CAPSL: variants seen among roughly 807,000 people sequenced by gnomAD.
The protein encoded by CAPSL is calcyphosine like, also known as calcyphosin-like protein.
In CAPSL, 17 loss-of-function variants were observed where a neutral mutation model predicts 21.3. The observed-to-expected ratio is 0.80, with a 90% confidence interval of 0.55 to 1.20. The LOEUF (loss-of-function observed/expected upper bound fraction) is 1.20. Among genes scored for constraint, CAPSL ranks in the 50% most tolerant of loss-of-function variants. CAPSL has a pLI of 0.00. For missense variants in CAPSL, 289 were observed against 259.3 expected (o/e 1.11, Z -0.79); for synonymous variants, 102 against 89.3 (o/e 1.14, Z -0.80).
Position 35,929,451 on chromosome 5 carries a change from C to A in CAPSL, c.1-8331G>T, listed in dbSNP as rs700177. 2.0e-5 allele frequency among the ~76,000 whole-genome samples: 3 copies of A among 152,144 alleles called. No homozygotes were observed. The East Asian group carries it at 5.8e-4, about 29-fold the overall frequency. On this transcript the variant is annotated intron_variant, in intron 1 of 4. Coordinates refer to ENST00000651391, the MANE Select transcript of CAPSL (RefSeq NM_001042625.2). ...AGGAATACAGGCACCTGCCACCACA[C>A]CCAGCTGATTTTTGTATTTTTAGTA...
At chr5:35,923,991 T>C (rs1022848021) in intron 1 of CAPSL, among the ~76,000 whole-genome samples, 1 of 151,424 alleles carries the variant, frequency 6.6e-6, no homozygotes, top group Non-Finnish European at 1.5e-5. Flanking sequence ...TTATACAAAG[T>C]AAATACATAC....
At chr5:35,910,167 G>T in intron 3 of CAPSL, 92 bp from the exon 4 acceptor site, 2 of 1,183,928 alleles carry the variant, frequency 1.7e-6, no homozygotes, top group Non-Finnish European at 2.4e-6. Context: ...TCCCCTCAAC[G>T]ATGTGAAATA....
intron 2 of CAPSL, among the ~76,000 whole-genome samples, chr5:35,917,379 G>A (rs540488886): frequency 3.3e-5 from 5 of 152,240 alleles, no homozygotes; most frequent in Non-Finnish European, 7.3e-5. Flanking sequence ...TATACCCAAA[G>A]GATTATAAAT....
At chr5:35,932,295 C>G (rs76358217) in intron 1 of CAPSL, among the ~76,000 whole-genome samples, 18,127 of 152,186 alleles carry the variant, frequency 0.12, 1,436 homozygotes, top group Non-Finnish European at 0.18. Context: ...TAAAAGAAGA[C>G]TGGAAGTGCT....
chr5:35,927,796 A>T (rs1738722864), intron 1 of CAPSL, among the ~76,000 whole-genome samples: 1 of 152,246 alleles, frequency 6.6e-6, no homozygotes, highest in Non-Finnish European at 1.5e-5. Flanking sequence ...AATGGAAAAA[A>T]TTAAACCATC....
At chr5:35,913,416 C>A (rs185423882) in intron 2 of CAPSL, among the ~76,000 whole-genome samples, 2 of 152,034 alleles carry the variant, frequency 1.3e-5, no homozygotes. Flanking sequence ...TCAGATTCAC[C>A]AAAGTGGAAA....
At chr5:35,907,706 G>T (rs1222237182) in intron 4 of CAPSL, among the ~76,000 whole-genome samples, 2 of 152,146 alleles carry the variant, frequency 1.3e-5, no homozygotes, top group African/African-American at 4.8e-5. Context: ...ATTACCTTTA[G>T]CTAGGAGCTA....
chr5:35,918,997 C>T (rs1282155569), intron 2 of CAPSL, among the ~76,000 whole-genome samples: 1 of 151,400 alleles, frequency 6.6e-6, no homozygotes, highest in African/African-American at 2.4e-5. Flanking sequence ...AGTTTTCAAC[C>T]CAAAGACCTG....
chr5:35,929,842 G>T (rs1481077318), intron 1 of CAPSL, among the ~76,000 whole-genome samples: 1 of 151,958 alleles, frequency 6.6e-6, no homozygotes, highest in East Asian at 1.9e-4. Context: ...TCCTTGCTTG[G>T]GTTTTCAAAT....
intron 2 of CAPSL, among the ~76,000 whole-genome samples, chr5:35,917,507 A>C (rs990935414): frequency 7.2e-5 from 11 of 152,220 alleles, no homozygotes; most frequent in African/African-American, 2.7e-4. Context: ...AAAATGTGGC[A>C]CATATACACC....
chr5:35,909,241 C>A, intron 4 of CAPSL, among the ~76,000 whole-genome samples: 1 of 152,194 alleles, frequency 6.6e-6, no homozygotes, highest in Non-Finnish European at 1.5e-5. Flanking sequence ...TGGAGATGGG[C>A]GGTTGATTTT....
chr5:35,919,166 A>ATAT (rs1346382394), intron 2 of CAPSL, among the ~76,000 whole-genome samples: 7 of 116,740 alleles, frequency 6.0e-5, no homozygotes, highest in African/African-American at 2.0e-4. Flanking sequence ...TGATTAAAAA[A>ATAT]AAAAATATAT....
chr5:35,933,741 T>C (rs533272000), intron 1 of CAPSL, among the ~76,000 whole-genome samples: 1 of 152,308 alleles, frequency 6.6e-6, no homozygotes, highest in African/African-American at 2.4e-5. Flanking sequence ...TAAGAAGAGC[T>C]GTCATCCACC....
intron 2 of CAPSL, among the ~76,000 whole-genome samples, chr5:35,915,579 C>G (rs932248958): frequency 2.6e-5 from 4 of 152,126 alleles, no homozygotes; most frequent in African/African-American, 7.2e-5. Flanking sequence ...TAAATGTAAT[C>G]CAGCATATAA....
chr5:35,907,753 T>C (rs1212734048), intron 4 of CAPSL, among the ~76,000 whole-genome samples: 2 of 152,220 alleles, frequency 1.3e-5, no homozygotes, highest in Non-Finnish European at 2.9e-5. Flanking sequence ...TTTTGTCTTA[T>C]ATGGGATGTT....
intron 2 of CAPSL, among the ~76,000 whole-genome samples, chr5:35,912,836 A>G (rs1451492267): frequency 6.6e-6 from 1 of 152,268 alleles, no homozygotes; most frequent in African/African-American, 2.4e-5. Context: ...GCTCCTCACC[A>G]GCAATGGAAC....
In CAPSL at chr5:35,904,440, A is replaced by G; in HGVS notation, c.*105T>C. On this transcript the variant is annotated 3_prime_UTR_variant, in exon 5 of 5. Transcript: ENST00000651391. ...ATGCAATATTTTGACACAGAAAAAA[A>G]CATTAGGATGAGTGTGAAATCAAAT... 1.2e-6 allele frequency: 1 copy of G among 841,756 alleles called. No individual in the cohort carries two copies. The highest frequency in any genetic ancestry group is 1.9e-6 in the Non-Finnish European group (1 of 528,640). The allele number at this position is 841,756 out of a possible 1,614,324, so 52.1% of individuals were successfully genotyped here.
intron 2 of CAPSL, 54 bp from the exon 3 acceptor site, chr5:35,910,597 G>C: frequency 1.7e-5 from 22 of 1,314,794 alleles, no homozygotes; most frequent in Non-Finnish European, 2.3e-5. Flanking sequence ...ACAGGTGTAA[G>C]TGTAAAGATT....
chr5:35,935,550 G>C (rs1204981578), intron 1 of CAPSL, among the ~76,000 whole-genome samples: 3 of 151,924 alleles, frequency 2.0e-5, no homozygotes, highest in Non-Finnish European at 4.4e-5. Flanking sequence ...GCCCAGGCTG[G>C]TCTTGAACTC....
Sources: gnomAD v4.1 joint callset for allele counts (sites outside exome capture counted in the v4.1 genomes callset) on GRCh38, gnomAD v4.1.1 for gene constraint, MANE v1.5 for transcripts, NCBI Gene and HGNC (gene_info 2026-07-23, HGNC 2026-07-21) for gene names.